Variants in VPS26B observed in about 807,000 individuals in gnomAD.
VPS26B encodes the protein VPS26 retromer complex component B, also known as vacuolar protein sorting-associated protein 26B.
Under a neutral mutation model 33.3 loss-of-function variants are expected in VPS26B, and 10 were observed. That is an observed-to-expected ratio of 0.30 (90% CI 0.19 to 0.51). VPS26B has a LOEUF of 0.51. Ranked by LOEUF, VPS26B falls within the 20% of genes least tolerant of loss-of-function variation. The pLI is 0.98. For missense variants in VPS26B, 317 were observed against 452.7 expected (o/e 0.70, Z 2.72); for synonymous variants, 190 against 176.9 (o/e 1.07, Z -0.59).
At chr11:134,233,452 G>A (rs532983417) in intron 1 of VPS26B, among the ~76,000 whole-genome samples, 7 of 152,318 alleles carry the variant, frequency 4.6e-5, no homozygotes, top group South Asian at 4.1e-4. Flanking sequence ...GGCCGGGCAC[G>A]GTGGCTCGCG....
rs56385442 is a variant in VPS26B, at chr11:134,240,781, G to A, written c.545+626G>A. Among the ~76,000 whole-genome samples, 1 of 138,092 alleles carries A rather than the reference G, an allele frequency of 7.2e-6. No homozygotes were observed. Among genetic ancestry groups the A allele is most frequent in the Admixed American group, 7.9e-5 (1 of 12,692 alleles). The allele number at this position is 138,092 out of a possible 152,430, so 90.6% of individuals were successfully genotyped here. On this transcript the variant is annotated intron_variant, in intron 3 of 5. Transcript: ENST00000281187. This position sits in a 1 kb window ranked among gnomAD's most constrained non-coding sequence, Gnocchi z 4.4. The stretch of plus-strand genomic sequence containing the variant: ...ACCCAGCTAATTTGTGTCCGTGTGT[G>A]TGTGTGTGTGTCCGTGTGTGTGTGT...
Position 134,240,297 on chromosome 11 carries a change from A to T in VPS26B, c.545+142A>T. On this transcript the variant is annotated intron_variant, in intron 3 of 5. Coordinates refer to ENST00000281187, the MANE Select transcript of VPS26B (RefSeq NM_052875.5). This position sits in a 1 kb window ranked among gnomAD's most constrained non-coding sequence, Gnocchi z 4.4. ...TGGGGGAAGACCGTGGGAGCAATCCAGTGAGTGTCTATGGCAGGCCAGCTG... is the reference window on the plus strand; with the variant it reads ...TGGGGGAAGACCGTGGGAGCAATCCTGTGAGTGTCTATGGCAGGCCAGCTG... The T allele has an allele frequency of 2.2e-6, 2 of 915,700 alleles. No homozygotes were observed. Among genetic ancestry groups the T allele is most frequent in the African/African-American group, 1.6e-5 (1 of 60,884 alleles). 56.7% of individuals were successfully genotyped at this position (915,700 alleles called of 1,614,324 possible).
rs200152281 is a variant in VPS26B at position 134,243,197 on chromosome 11, C to T, written c.624C>T (p.Asp208=). ...TCAAAATCAAGCACATGGAGATAGA[C>T]ATCATCAAGCGAGAAACGACGGGTA... is the stretch of plus-strand genomic sequence containing the variant. ...VRIKIKHMEI[D]IIKRETTGTG... The change falls in exon 4 of 6, where the codon GAC becomes GAT. Residue 208 remains aspartate, a synonymous_variant. Transcript: ENST00000281187. 7 of 1,613,868 alleles carry T rather than the reference C, an allele frequency of 4.3e-6. No homozygotes were observed. Among genetic ancestry groups the T allele is most frequent in the Non-Finnish European group, 5.9e-6 (7 of 1,179,852 alleles).
rs1321418109 is a variant in VPS26B, at chr11:134,225,077, T to G, written c.-46T>G. 6.5e-7 allele frequency: 1 copy of G among 1,531,990 alleles called. No homozygotes were observed. Among genetic ancestry groups the G allele is most frequent in the Non-Finnish European group, 8.8e-7 (1 of 1,131,470 alleles). 94.9% of individuals were successfully genotyped at this position (1,531,990 alleles called of 1,614,324 possible). A position where few individuals can be genotyped will look rare whatever the true frequency, so the allele number is the denominator to read the frequency against. ...TTACCTAGGGCAGCCCGCGCCCCGG[T>G]GCGAGGGAGCGGTCCTTACCGAGAC... is the stretch of plus-strand genomic sequence containing the variant. On this transcript the variant is annotated 5_prime_UTR_variant, in exon 1 of 6. Coordinates refer to ENST00000281187, the MANE Select transcript of VPS26B (RefSeq NM_052875.5).
chr11:134,238,812 G>A (rs1183408389), intron 2 of VPS26B, among the ~76,000 whole-genome samples: 1 of 151,838 alleles, frequency 6.6e-6, no homozygotes, highest in Non-Finnish European at 1.5e-5. Context: ...AGCCAGGATG[G>A]TCTCGATCTC....
chr11:134,233,216 C>G (rs1305380067), intron 1 of VPS26B, among the ~76,000 whole-genome samples: 3 of 152,224 alleles, frequency 2.0e-5, no homozygotes, highest in Non-Finnish European at 2.9e-5. Context: ...AGTGGCATCA[C>G]TAGTGTGGGA....
At chr11:134,242,055 C>A (rs1416589065) in intron 3 of VPS26B, among the ~76,000 whole-genome samples, 1 of 152,194 alleles carries the variant, frequency 6.6e-6, no homozygotes, top group Non-Finnish European at 1.5e-5. Flanking sequence ...CCCGCTTACA[C>A]CTAGAGCAGC....
chr11:134,233,421 T>G (rs567446872), intron 1 of VPS26B, among the ~76,000 whole-genome samples: 8 of 152,268 alleles, frequency 5.3e-5, no homozygotes. Context: ...ATAGCCACAG[T>G]CAGTATTAAG....
rs1394150446 is a variant in VPS26B, at chr11:134,240,925, A to T, written c.545+770A>T. Among the ~76,000 whole-genome samples the T allele has an allele frequency of 1.3e-5, 2 of 152,098 alleles. No homozygotes were observed. The highest frequency in any genetic ancestry group is 4.8e-5 in the African/African-American group (2 of 41,400). On this transcript the variant is annotated intron_variant, in intron 3 of 5. Coordinates refer to ENST00000281187, the MANE Select transcript of VPS26B (RefSeq NM_052875.5). The surrounding 1 kb of genome is among the most constrained non-coding windows in gnomAD (Gnocchi z 4.4). ...CCACAGCGCTGGGACTACAGGCATG[A>T]GCCACCATGCCCAGCCCTGATGTAT...
At chr11:134,226,630 T>A (rs1938478343) in intron 1 of VPS26B, among the ~76,000 whole-genome samples, 1 of 152,204 alleles carries the variant, frequency 6.6e-6, no homozygotes, top group African/African-American at 2.4e-5. Context: ...ACACCTCTGG[T>A]AGAGAATCCA....
chr11:134,235,213 A>G (rs1038977702), intron 2 of VPS26B, 160 bp downstream of exon 2: 1 of 904,392 alleles, frequency 1.1e-6, no homozygotes, highest in Non-Finnish European at 1.6e-6. Context: ...TGGGCCTTCT[A>G]GGAGGAAAGT....
In VPS26B at chr11:134,224,718, G is replaced by C. The variant is rs901603867; in HGVS notation, c.-405G>C. 2.0e-4 allele frequency: 30 copies of C among 151,984 alleles called. No individual in the cohort carries two copies. The highest frequency in any genetic ancestry group is 6.8e-4 in the African/African-American group (28 of 41,402). The allele number at this position is 151,984 out of a possible 1,614,324, so 9.4% of individuals were successfully genotyped here. A position where few individuals can be genotyped will look rare whatever the true frequency, so the allele number is the denominator to read the frequency against. ...GCGTTGCACCGCCGGAGGCTGGGCA[G>C]CTCGCAGCGCTGCTCGGCGCTGGAC... is the stretch of plus-strand genomic sequence containing the variant. On this transcript the variant is annotated 5_prime_UTR_variant, in exon 1 of 6. Coordinates refer to ENST00000281187, the MANE Select transcript of VPS26B (RefSeq NM_052875.5).
rs546449239 is a variant in VPS26B at position 134,245,539 on chromosome 11, G to T, written c.960G>T (p.Leu320=). 88 of 1,613,598 alleles carry T rather than the reference G, an allele frequency of 5.5e-5. No individual in the cohort carries two copies. In the South Asian group the frequency reaches 9.1e-4, roughly 17 times the overall value. ...AGCGCTTTGAGGGCACCACCTCCCTGGGTGAGGTGCGGACCCCCAGCCAGC... is the reference window on the plus strand; with the variant it reads ...AGCGCTTTGAGGGCACCACCTCCCTTGGTGAGGTGCGGACCCCCAGCCAGC... ...ASQRFEGTTS[L]GEVRTPSQLS... Residue 320 remains leucine, a synonymous_variant, in exon 6 of 6, where the codon CTG becomes CTT. Transcript: ENST00000281187. This position sits in a 1 kb window ranked among gnomAD's most constrained non-coding sequence, Gnocchi z 4.7.
chr11:134,243,664 G>A (rs1938766252), intron 4 of VPS26B: 1 of 201,846 alleles, frequency 5.0e-6, no homozygotes. Flanking sequence ...AGGAGCAAGG[G>A]ATGCATGCAC....
rs1354778389 is a variant in VPS26B, at chr11:134,239,622, G to A, written c.381-369G>A. The stretch of plus-strand genomic sequence containing the variant: ...GGAGTTAGCTGATGAAATAAAACCT[G>A]TACACAAATACATGGTCAGTAGTGG... On this transcript the variant is annotated intron_variant, in intron 2 of 5. Transcript: ENST00000281187. 3.6e-5 allele frequency: 9 copies of A among 246,944 alleles called. No homozygotes were observed. In the East Asian group the frequency reaches 7.5e-4, roughly 21 times the overall value. The allele number at this position is 246,944 out of a possible 1,614,324, so 15.3% of individuals were successfully genotyped here.
chr11:134,237,764 A>G (rs1279894031), intron 2 of VPS26B, among the ~76,000 whole-genome samples: 2 of 152,268 alleles, frequency 1.3e-5, no homozygotes, highest in East Asian at 1.9e-4. Context: ...CTGGGAGGCC[A>G]TGGGTTACTG....
chr11:134,229,880 CCCT>C (rs1400574786), intron 1 of VPS26B, among the ~76,000 whole-genome samples: 1 of 152,172 alleles, frequency 6.6e-6, no homozygotes, highest in Non-Finnish European at 1.5e-5. Flanking sequence ...CCTGCTCTGG[CCCT>C]CCCTCTCTTT....
At chr11:134,243,484 GCTA>G in intron 4 of VPS26B, 190 bp downstream of exon 4, 1 of 645,934 alleles carries the variant, frequency 1.5e-6, no homozygotes, top group Non-Finnish European at 2.6e-6. Flanking sequence ...AGAACTTGAG[GCTA>G]CTATCCCATC....
intron 1 of VPS26B, among the ~76,000 whole-genome samples, chr11:134,231,401 G>A (rs1205470063): frequency 2.0e-5 from 3 of 152,178 alleles, no homozygotes. Context: ...GGTGGGACTG[G>A]AGCAGAGCTG....
Sources: allele counts gnomAD v4.1 joint callset (sites outside exome capture counted in the v4.1 genomes callset), GRCh38; gene constraint gnomAD v4.1.1; non-coding constraint Gnocchi (gnomAD v3.1); transcripts MANE v1.5; gene names NCBI Gene and HGNC (gene_info 2026-07-23, HGNC 2026-07-21).